PBRM1: variants seen among roughly 807,000 people sequenced by gnomAD.
PBRM1 encodes protein polybromo-1.
PBRM1 carries 27 observed loss-of-function variants against 194.5 expected under a neutral mutation model. The observed-to-expected ratio is 0.14, with a 90% confidence interval of 0.10 to 0.19. PBRM1 has a LOEUF of 0.19. Among genes scored for constraint, PBRM1 ranks in the 10% least tolerant of loss-of-function variants. PBRM1 has a pLI of 1.00. For synonymous variants in PBRM1, 655 were observed against 693.2 expected, an observed-to-expected ratio of 0.94 and a Z score of 0.87; for missense variants, 1,466 against 2,077.2, an observed-to-expected ratio of 0.71 and a Z score of 5.72.
intron 11 of PBRM1, 105 bp from the exon 13 acceptor site, chr3:52,629,140 T>C (rs1179626490): frequency 2.6e-6 from 2 of 765,086 alleles, no homozygotes; most frequent in Non-Finnish European, 4.1e-6. Context: ...ATGGTATCTT[T>C]ACTGGTAATA....
At chr3:52,546,326 T>C (rs543344546), downstream of PBRM1, 5 of 232,332 alleles carry the variant, frequency 2.2e-5, no homozygotes, top group East Asian at 3.1e-4. Flanking sequence ...AGCCAGGAAT[T>C]GAAGATTTAT....
intron 13 of PBRM1, among the ~76,000 whole-genome samples, chr3:52,622,292 C>T (rs150656172): frequency 0.041 from 6,000 of 147,592 alleles, 399 homozygotes; most frequent in African/African-American, 0.14. Flanking sequence ...GAGCCAAGAT[C>T]GTGCCACTGC....
At chr3:52,632,902 C>T (rs535677907) in intron 11 of PBRM1, among the ~76,000 whole-genome samples, 379 of 152,090 alleles carry the variant, frequency 2.5e-3, no homozygotes, top group Non-Finnish European at 3.7e-3. Flanking sequence ...CAATGTTGGC[C>T]GGGCTAATCT....
intron 20 of PBRM1, among the ~76,000 whole-genome samples, chr3:52,583,112 A>C (rs2091679796): frequency 6.9e-6 from 1 of 145,732 alleles, no homozygotes. Flanking sequence ...AAAAAAAAAA[A>C]AAAAAAAACT....
chr3:52,594,471 T>A (rs2093385199), intron 17 of PBRM1, among the ~76,000 whole-genome samples: 1 of 152,190 alleles, frequency 6.6e-6, no homozygotes, highest in East Asian at 1.9e-4. Flanking sequence ...GGTGTCATTA[T>A]GGGTCTCATG....
chr3:52,546,168 G>C (rs1443197510), downstream of PBRM1: 7 of 232,170 alleles, frequency 3.0e-5, no homozygotes, highest in Non-Finnish European at 6.0e-5. Context: ...GTCTCATCCA[G>C]ACCTTAAGGG....
chr3:52,595,426 A>C (rs888685910), intron 17 of PBRM1, among the ~76,000 whole-genome samples: 5 of 152,108 alleles, frequency 3.3e-5, no homozygotes, highest in African/African-American at 1.2e-4. Context: ...TGTTCTGATG[A>C]TCAGTGATGT....
intron 17 of PBRM1, among the ~76,000 whole-genome samples, chr3:52,590,048 G>A (rs1322174051): frequency 6.6e-6 from 1 of 151,772 alleles, no homozygotes. Flanking sequence ...GGCTGGTCTC[G>A]ATCTCTCGAC....
chr3:52,674,528 A>C (rs1210716839), intron 2 of PBRM1, among the ~76,000 whole-genome samples: 1 of 145,120 alleles, frequency 6.9e-6, no homozygotes, highest in African/African-American at 2.6e-5. Flanking sequence ...GGTGGCTCAC[A>C]CTTGTGATCC....
chr3:52,552,162 T>G (rs984467254), intron 27 of PBRM1, among the ~76,000 whole-genome samples: 12 of 152,174 alleles, frequency 7.9e-5, no homozygotes, highest in Admixed American at 7.9e-4. Context: ...CAATATATTA[T>G]TAACCTCTGT....
intron 22 of PBRM1, among the ~76,000 whole-genome samples, chr3:52,569,196 G>A (rs901493525): frequency 6.6e-6 from 1 of 150,704 alleles, no homozygotes; most frequent in South Asian, 2.1e-4. Context: ...CCGATTCTAA[G>A]TTTCTTTTTC....
intron 13 of PBRM1, among the ~76,000 whole-genome samples, chr3:52,625,929 G>A (rs2095433742): frequency 6.6e-6 from 1 of 152,120 alleles, no homozygotes; most frequent in African/African-American, 2.4e-5. Context: ...ACACAGGTAT[G>A]TAATTTTCGA....
intron 20 of PBRM1, among the ~76,000 whole-genome samples, chr3:52,582,921 C>T (rs1576096822): frequency 6.7e-6 from 1 of 149,288 alleles, no homozygotes; most frequent in East Asian, 2.0e-4. Context: ...CACGATGAAA[C>T]CCCGTCTCTA....
At position 52,583,318 on chromosome 3, in the gene PBRM1, C is replaced by T. The variant is rs554753064; in HGVS notation, c.3387+3107G>A. ...CCAGCCACTCAGGAGGGTGAGGCAG[C>T]AGAATCACTTGAACCCAGGAAGGCG... is the stretch of plus-strand genomic sequence containing the variant. On this transcript the variant is annotated intron_variant, in intron 20 of 29. Coordinates refer to ENST00000296302, the Ensembl canonical transcript of PBRM1. 9.3e-5 allele frequency among the ~76,000 whole-genome samples: 14 copies of T among 150,466 alleles called. No homozygotes were observed. The South Asian group carries it at 2.9e-3, about 32-fold the overall frequency.
intron 17 of PBRM1, among the ~76,000 whole-genome samples, chr3:52,601,583 T>C (rs1406877040): frequency 7.4e-6 from 1 of 135,932 alleles, no homozygotes; most frequent in Non-Finnish European, 1.6e-5. Flanking sequence ...TCCTAAGTAA[T>C]GTGGGGGGTG....
At position 52,562,047 on chromosome 3, in the gene PBRM1, C is replaced by A; in HGVS notation, c.4087-79G>T. 4.5e-6 allele frequency: 5 copies of A among 1,117,866 alleles called. No individual in the cohort carries two copies. The South Asian group carries it at 6.3e-5, about 14-fold the overall frequency. 69.2% of individuals were successfully genotyped at this position (1,117,866 alleles called of 1,614,324 possible). On this transcript the variant is annotated intron_variant, in intron 24 of 29. Transcript: ENST00000296302. ...CTCAAAATTTCAGAAGCCAGCCGGGCGCGGTGGCTCACACCTGTAATCCCA... is the reference window on the plus strand; with the variant it reads ...CTCAAAATTTCAGAAGCCAGCCGGGAGCGGTGGCTCACACCTGTAATCCCA...
At chr3:52,579,662 GAAACA>G (rs2090592456) in intron 20 of PBRM1, among the ~76,000 whole-genome samples, 1 of 151,640 alleles carries the variant, frequency 6.6e-6, no homozygotes, top group African/African-American at 2.4e-5. Flanking sequence ...AGGAGGCTAG[GAAACA>G]AAACAATTAG....
chr3:52,596,001 T>C (rs1221533583), intron 17 of PBRM1, among the ~76,000 whole-genome samples: 1 of 152,220 alleles, frequency 6.6e-6, no homozygotes, highest in East Asian at 1.9e-4. Flanking sequence ...TTGGTATATT[T>C]GTCTGTTTTT....
chr3:52,643,182 C>T (rs1471516911), intron 9 of PBRM1, 66 bp downstream of exon 10: 5 of 1,113,994 alleles, frequency 4.5e-6, no homozygotes, highest in Non-Finnish European at 6.9e-6. Context: ...AGCCATTGGG[C>T]AAATACTAGT....
Sources: allele counts gnomAD v4.1 joint callset (sites outside exome capture counted in the v4.1 genomes callset), GRCh38; gene constraint gnomAD v4.1.1; transcripts MANE v1.5; gene names NCBI Gene and HGNC (gene_info 2026-07-23, HGNC 2026-07-21).